Variants in XIRP2 observed in about 807,000 individuals in gnomAD.
XIRP2 encodes xin actin-binding repeat-containing protein 2.
Under a neutral mutation model 277.0 loss-of-function variants are expected in XIRP2, and 236 were observed. The observed-to-expected ratio is 0.85, with a 90% CI of 0.77 to 0.95. The LOEUF is 0.95. Among genes scored for constraint, XIRP2 ranks in the 40% least tolerant of loss-of-function variants. The probability of loss-of-function intolerance (pLI) is 0.00; values close to 1 mark genes in which losing one functional copy is unlikely to be tolerated. For synonymous variants in XIRP2, 1,490 were observed against 1,416.5 expected, an observed-to-expected ratio of 1.05 and a Z score of -1.17; for missense variants, 4,640 against 4,157.5, an observed-to-expected ratio of 1.12 and a Z score of -3.19.
At chr2:167,125,563 C>A (rs1030746365) in intron 2 of XIRP2, among the ~76,000 whole-genome samples, 9 of 152,122 alleles carry the variant, frequency 5.9e-5, no homozygotes, top group African/African-American at 2.2e-4. Flanking sequence ...ATTGTTAAAT[C>A]TGTTTAATAA....
intron 6 of XIRP2, among the ~76,000 whole-genome samples, chr2:167,240,295 A>G (rs563777289): frequency 5.3e-5 from 8 of 152,076 alleles, no homozygotes; most frequent in African/African-American, 1.9e-4. Context: ...TGTGCCTGTA[A>G]TCCCAGCTAC....
chr2:166,908,131 A>G (rs1327080563), intron 2 of XIRP2, among the ~76,000 whole-genome samples: 1 of 152,112 alleles, frequency 6.6e-6, no homozygotes, highest in Non-Finnish European at 1.5e-5. Context: ...TGTATACCCA[A>G]TAATGGGATG....
At chr2:167,167,412 C>T (rs73021978) in intron 3 of XIRP2, among the ~76,000 whole-genome samples, 15,051 of 151,984 alleles carry the variant, frequency 0.099, 798 homozygotes, top group South Asian at 0.16. Flanking sequence ...TTTTGTCTTC[C>T]ACCATTCTTT....
chr2:167,104,645 G>A (rs1690567956), intron 2 of XIRP2, among the ~76,000 whole-genome samples: 1 of 151,996 alleles, frequency 6.6e-6, no homozygotes, highest in South Asian at 2.1e-4. Flanking sequence ...GTAAAATCTA[G>A]TTAAATATTG....
intron 2 of XIRP2, among the ~76,000 whole-genome samples, chr2:167,043,620 C>A (rs1290609528): frequency 1.3e-5 from 2 of 151,986 alleles, no homozygotes; most frequent in African/African-American, 4.8e-5. Flanking sequence ...TGGAAACATA[C>A]AACCTCCCAA....
intron 3 of XIRP2, among the ~76,000 whole-genome samples, chr2:167,164,623 C>T (rs1246356920): frequency 4.6e-5 from 7 of 152,062 alleles, no homozygotes; most frequent in South Asian, 4.1e-4. Context: ...GGCAATAACT[C>T]AAATTTACTC....
intron 2 of XIRP2, among the ~76,000 whole-genome samples, chr2:167,083,532 G>A (rs200801849): frequency 0.11 from 16,315 of 152,100 alleles, 906 homozygotes; most frequent in South Asian, 0.19. Flanking sequence ...AATTACCTTG[G>A]GCAGTATGGC....
chr2:167,095,655 G>A lies in XIRP2; in HGVS notation c.409-40254G>A, dbSNP rs540112773. ...ATGTTGAACGAGCCTTGCATCCCAT[G>A]GATGAAGCCAACTTAATCATGGTGG... On this transcript the variant is annotated intron_variant, in intron 2 of 10. Transcript: ENST00000409195. Among the ~76,000 whole-genome samples, 3 of 152,118 alleles carry A rather than the reference G, an allele frequency of 2.0e-5. No individual in the cohort carries two copies. The South Asian group carries it at 6.2e-4, about 32-fold the overall frequency.
intron 9 of XIRP2, 21 bp downstream of exon 9, chr2:167,251,968 T>C (rs1320566813): frequency 5.2e-6 from 8 of 1,524,970 alleles, no homozygotes; most frequent in Non-Finnish European, 6.1e-6. Context: ...TTGCAATGTG[T>C]TAAAGAAGAT....
chr2:166,985,233 T>C (rs937392495), intron 2 of XIRP2, among the ~76,000 whole-genome samples: 5 of 152,176 alleles, frequency 3.3e-5, no homozygotes, highest in Admixed American at 6.5e-5. Context: ...AAGTACAGCT[T>C]AGTGACCCTA....
At chr2:167,012,848 C>T (rs774890185) in intron 2 of XIRP2, among the ~76,000 whole-genome samples, 2 of 151,498 alleles carry the variant, frequency 1.3e-5, no homozygotes, top group Non-Finnish European at 3.0e-5. Context: ...GCCTTAATTT[C>T]CTTCAATATC....
At chr2:167,094,654 C>T (rs991866070) in intron 2 of XIRP2, among the ~76,000 whole-genome samples, 1 of 152,138 alleles carries the variant, frequency 6.6e-6, no homozygotes, top group African/African-American at 2.4e-5. Flanking sequence ...TCTGAGGCCT[C>T]TGTTCTGTTC....
At chr2:166,951,761 C>T (rs537484410) in intron 2 of XIRP2, among the ~76,000 whole-genome samples, 1 of 152,156 alleles carries the variant, frequency 6.6e-6, no homozygotes, top group South Asian at 2.1e-4. Flanking sequence ...GCTTTCTACT[C>T]TCATCTTCTG....
intron 7 of XIRP2, 137 bp from the exon 8 acceptor site, chr2:167,241,640 G>C: frequency 1.1e-6 from 1 of 951,198 alleles, no homozygotes; most frequent in Non-Finnish European, 1.5e-6. Context: ...ACACCCTTGG[G>C]CTCAAGTAAT....
At position 167,244,247 on chromosome 2, in the gene XIRP2, T is replaced by C; in HGVS notation, c.2855T>C (p.Phe952Ser). ...GATGTGAAGAATTACACACATATCTTTGAATCAAACAATTTAATTAAATTT... is the reference window on the plus strand; with the variant it reads ...GATGTGAAGAATTACACACATATCTCTGAATCAAACAATTTAATTAAATTT... ...RGDVKNYTHIFESNNLIKFDA... is the reference protein window; with the variant it reads ...RGDVKNYTHISESNNLIKFDA... Residue 952 changes from phenylalanine (F) to serine (S), a missense_variant, in exon 9 of 11, where the codon TTT becomes TCT. Physicochemically the swap from Phe to Ser is radical, Grantham distance 155 (BLOSUM62 -2). Coordinates refer to ENST00000409195, the MANE Select transcript of XIRP2 (RefSeq NM_152381.6). 1 of 1,613,764 alleles carries C rather than the reference T, an allele frequency of 6.2e-7. No homozygotes were observed. The highest frequency in any genetic ancestry group is 1.3e-5 in the African/African-American group (1 of 75,024).
chr2:166,914,030 A>G (rs919342480), intron 2 of XIRP2, among the ~76,000 whole-genome samples: 1 of 152,216 alleles, frequency 6.6e-6, no homozygotes, highest in Non-Finnish European at 1.5e-5. Flanking sequence ...GTCAAAAGGG[A>G]CGTTACAAAT....
In XIRP2 at chr2:167,246,904, A is replaced by C; in HGVS notation, c.5512A>C (p.Lys1838Gln). 1 of 1,613,516 alleles carries C rather than the reference A, an allele frequency of 6.2e-7. No individual in the cohort carries two copies. Among genetic ancestry groups the C allele is most frequent in the East Asian group, 2.2e-5 (1 of 44,834 alleles). The change falls in exon 9 of 11, where the codon AAA (lysine) becomes CAA (glutamine). Residue 1838 changes from lysine (K) to glutamine (Q), a missense_variant. Transcript: ENST00000409195. ...FGKIPKEEIIKGDLTSTLNSL... is the reference protein window; with the variant it reads ...FGKIPKEEIIQGDLTSTLNSL... ...TAAGATACCCAAAGAAGAGATTATA[A>C]AAGGTGATTTGACATCAACCCTAAA... is the stretch of plus-strand genomic sequence containing the variant.
At chr2:167,092,091 T>C (rs1690164450) in intron 2 of XIRP2, among the ~76,000 whole-genome samples, 1 of 152,180 alleles carries the variant, frequency 6.6e-6, no homozygotes, top group Non-Finnish European at 1.5e-5. Context: ...TTTAAAACTC[T>C]TGTCAAGCTT....
At chr2:167,204,588 C>A (rs1448603291) in intron 3 of XIRP2, among the ~76,000 whole-genome samples, 4 of 152,156 alleles carry the variant, frequency 2.6e-5, no homozygotes, top group Non-Finnish European at 5.9e-5. Flanking sequence ...TAGCCTCTAT[C>A]TCCTGGTATG....
Sources: allele counts gnomAD v4.1 joint callset (sites outside exome capture counted in the v4.1 genomes callset), GRCh38; gene constraint gnomAD v4.1.1; transcripts MANE v1.5; gene names NCBI Gene and HGNC (gene_info 2026-07-23, HGNC 2026-07-21).